The following RBFOX2 variants were observed in gnomAD, a reference collection of about 807,000 sequenced individuals.
RBFOX2 encodes the protein RNA binding fox-1 homolog 2.
Under a neutral mutation model 49.1 loss-of-function variants are expected in RBFOX2, and 10 were observed. The observed-to-expected ratio is 0.20, with a 90% confidence interval of 0.13 to 0.35. The LOEUF is 0.35. RBFOX2 is among the 10% of genes least tolerant of loss of function. The probability of loss-of-function intolerance (pLI) is 1.00; values close to 1 mark genes in which losing one functional copy is unlikely to be tolerated. For missense variants in RBFOX2, 323 were observed against 486.9 expected, an observed-to-expected ratio of 0.66 and a Z score of 3.17; for synonymous variants, 183 against 187.4, an observed-to-expected ratio of 0.98 and a Z score of 0.19.
chr22:36,018,771 G>A (rs915288960), intron 1 of RBFOX2, among the ~76,000 whole-genome samples: 6 of 152,048 alleles, frequency 3.9e-5, no homozygotes, highest in African/African-American at 1.2e-4. Flanking sequence ...GCGCCACCAC[G>A]CCCAGCTAAT....
chr22:35,838,296 G>A (rs1261248497), intron 1 of RBFOX2, among the ~76,000 whole-genome samples: 4 of 149,944 alleles, frequency 2.7e-5, no homozygotes, highest in African/African-American at 9.9e-5. Flanking sequence ...AGCTAAAACA[G>A]CGGAAGAGGT....
chr22:35,968,861 A>G (rs1191840892), intron 1 of RBFOX2, among the ~76,000 whole-genome samples: 1 of 152,222 alleles, frequency 6.6e-6, no homozygotes, highest in African/African-American at 2.4e-5. Context: ...AGTGATCCCA[A>G]CTGAAGATAT....
intron 1 of RBFOX2, among the ~76,000 whole-genome samples, chr22:35,848,391 G>C (rs922851474): frequency 6.6e-6 from 1 of 152,074 alleles, no homozygotes; most frequent in African/African-American, 2.4e-5. Flanking sequence ...AACAGAAACA[G>C]TTATATCATT....
intron 1 of RBFOX2, among the ~76,000 whole-genome samples, chr22:35,877,802 A>C (rs1229907899): frequency 5.9e-5 from 9 of 152,110 alleles, no homozygotes; most frequent in African/African-American, 2.2e-4. Context: ...AGAATAGCTG[A>C]TGTCAGCTAG....
At chr22:35,904,830 GT>G (rs1317448836) in intron 1 of RBFOX2, among the ~76,000 whole-genome samples, 4 of 152,120 alleles carry the variant, frequency 2.6e-5, no homozygotes, top group African/African-American at 9.7e-5. Flanking sequence ...GTCATATGTG[GT>G]TATGTGAATT....
chr22:35,777,729 C>A (rs1412997265), intron 4 of RBFOX2: 4 of 329,920 alleles, frequency 1.2e-5, no homozygotes, highest in Non-Finnish European at 2.2e-5. Flanking sequence ...AAAGCTGAGG[C>A]CGAATTTAAG....
chr22:35,966,918 T>C (rs2056595395), intron 1 of RBFOX2, among the ~76,000 whole-genome samples: 1 of 151,834 alleles, frequency 6.6e-6, no homozygotes, highest in Admixed American at 6.6e-5. Context: ...GCTCAAGCAA[T>C]CCTCCTTCCT....
chr22:35,925,615 G>A (rs76880662), intron 1 of RBFOX2, among the ~76,000 whole-genome samples: 4,806 of 152,312 alleles, frequency 0.032, 108 homozygotes, highest in Admixed American at 0.055. Flanking sequence ...GGAGAAGGTA[G>A]CATTTGAAGT....
At chr22:35,851,479 A>C (rs1464277461) in intron 1 of RBFOX2, among the ~76,000 whole-genome samples, 2 of 152,256 alleles carry the variant, frequency 1.3e-5, no homozygotes, top group Admixed American at 1.3e-4. Flanking sequence ...ACAATGCTAC[A>C]GCACAAAACT....
intron 1 of RBFOX2, among the ~76,000 whole-genome samples, chr22:35,981,641 C>CAA (rs879304923): frequency 4.3e-4 from 42 of 96,642 alleles, no homozygotes; most frequent in African/African-American, 5.6e-4. Context: ...GACTCCATTT[C>CAA]AAAAAAAAAA....
intron 1 of RBFOX2, among the ~76,000 whole-genome samples, chr22:35,922,664 T>C (rs760216373): frequency 2.0e-5 from 3 of 151,766 alleles, no homozygotes; most frequent in South Asian, 2.1e-4. Flanking sequence ...CCAGCTAAGA[T>C]AGCTTTTACA....
chr22:35,888,923 G>A (rs1569459659), intron 1 of RBFOX2, among the ~76,000 whole-genome samples: 1 of 152,172 alleles, frequency 6.6e-6, no homozygotes, highest in Non-Finnish European at 1.5e-5. Flanking sequence ...GGGAGGCCAA[G>A]GTGGGCAGAT....
chr22:35,790,649 A>T (rs1007717496), intron 2 of RBFOX2, among the ~76,000 whole-genome samples: 3 of 152,214 alleles, frequency 2.0e-5, no homozygotes, highest in Non-Finnish European at 2.9e-5. Flanking sequence ...TGCTAACATT[A>T]GGGGAACTGG....
At chr22:35,918,596 T>C (rs1204344149) in intron 1 of RBFOX2, among the ~76,000 whole-genome samples, 5 of 152,186 alleles carry the variant, frequency 3.3e-5, no homozygotes, top group Non-Finnish European at 7.3e-5. Context: ...CTGGCAGCTC[T>C]TTAGAGAGGA....
At chr22:35,915,002 G>C (rs2050247683) in intron 1 of RBFOX2, among the ~76,000 whole-genome samples, 1 of 152,136 alleles carries the variant, frequency 6.6e-6, no homozygotes, top group African/African-American at 2.4e-5. Flanking sequence ...GTGTGCTCTA[G>C]GTGCTTGAAA....
chr22:35,792,315 C>CAAAAAAAAAAA (rs1187704252), intron 2 of RBFOX2, among the ~76,000 whole-genome samples: 1 of 36,406 alleles, frequency 2.7e-5, no homozygotes, highest in Non-Finnish European at 5.5e-5. Context: ...AACTCCGTCT[C>CAAAAAAAAAAA]AAAAAAAAAA....
intron 2 of RBFOX2, among the ~76,000 whole-genome samples, chr22:35,796,601 T>C (rs1292692085): frequency 6.6e-6 from 1 of 152,214 alleles, no homozygotes; most frequent in African/African-American, 2.4e-5. Context: ...AACTGCAATG[T>C]CGAATCTGAA....
chr22:35,825,628 C>T (rs1031760383), intron 1 of RBFOX2, among the ~76,000 whole-genome samples: 3 of 152,098 alleles, frequency 2.0e-5, no homozygotes, highest in Non-Finnish European at 4.4e-5. Context: ...TCAAGGCCTT[C>T]GGTTTTTCAT....
intron 1 of RBFOX2, among the ~76,000 whole-genome samples, chr22:35,901,310 A>G (rs1165875964): frequency 6.6e-6 from 1 of 152,194 alleles, no homozygotes; most frequent in Non-Finnish European, 1.5e-5. Context: ...TACCCTGGAT[A>G]TAAATAACCC....
Sources: gnomAD v4.1 joint callset for allele counts (sites outside exome capture counted in the v4.1 genomes callset) on GRCh38, gnomAD v4.1.1 for gene constraint, MANE v1.5 for transcripts, NCBI Gene and HGNC (gene_info 2026-07-23, HGNC 2026-07-21) for gene names.